PPFIA1: variants seen among roughly 807,000 people sequenced by gnomAD.
PPFIA1 encodes the protein PPFI scaffold protein A1.
A neutral mutation model predicts 149.9 loss-of-function variants in PPFIA1; 25 were observed. The ratio of observed to expected loss-of-function variants is 0.17; its 90% confidence interval spans 0.12 to 0.23. The LOEUF is 0.23. Among genes scored for constraint, PPFIA1 ranks in the 10% least tolerant of loss-of-function variants. The pLI is 1.00. For synonymous variants in PPFIA1, 549 were observed against 552.8 expected, an observed-to-expected ratio of 0.99 and a Z score of 0.10; for missense variants, 1,362 against 1,506.5, an observed-to-expected ratio of 0.90 and a Z score of 1.59.
At chr11:70,349,263 C>G (rs564321261) in intron 16 of PPFIA1, among the ~76,000 whole-genome samples, 1 of 152,230 alleles carries the variant, frequency 6.6e-6, no homozygotes, top group East Asian at 1.9e-4. Context: ...CTTAGGGTCA[C>G]CTCTCACCTG....
At chr11:70,300,895 A>G (rs1297112781) in intron 2 of PPFIA1, among the ~76,000 whole-genome samples, 1 of 152,178 alleles carries the variant, frequency 6.6e-6, no homozygotes, top group Non-Finnish European at 1.5e-5. Context: ...TAGGATCAAG[A>G]TAAGCCATGA....
At chr11:70,356,520 A>T (rs2056370908) in intron 19 of PPFIA1, among the ~76,000 whole-genome samples, 1 of 152,206 alleles carries the variant, frequency 6.6e-6, no homozygotes, top group African/African-American at 2.4e-5. Context: ...CTGCCTGAGC[A>T]CTGGAGTCGG....
intron 2 of PPFIA1, among the ~76,000 whole-genome samples, chr11:70,318,214 A>G (rs770000731): frequency 9.9e-5 from 15 of 152,142 alleles, no homozygotes; most frequent in Non-Finnish European, 1.5e-4. Flanking sequence ...TCTCTTCTAG[A>G]TGCCATTTCA....
rs71463672 is a variant in PPFIA1 at position 70,342,936 on chromosome 11, C to CTTTTTTTTTTTTTTTTTTTTTTTT, written c.1708-727_1708-704dup. Among the ~76,000 whole-genome samples, 3 of 78,176 alleles carry CTTTTTTTTTTTTTTTTTTTTTTTT rather than the reference C, an allele frequency of 3.8e-5. 1 individual carries two copies. Among genetic ancestry groups the CTTTTTTTTTTTTTTTTTTTTTTTT allele is most frequent in the African/African-American group, 1.9e-4 (3 of 16,212 alleles). The allele number at this position is 78,176 out of a possible 152,430, so 51.3% of individuals were successfully genotyped here. On this transcript the variant is annotated intron_variant, in intron 14 of 27. Coordinates refer to ENST00000253925, the MANE Select transcript of PPFIA1 (RefSeq NM_003626.5). ...TTGCAGCTATTTTGAAATGTACCAC[C>CTTTTTTTTTTTTTTTTTTTTTTTT]TTTTTTTTTTTTTTTTTTTTTTTTT...
chr11:70,280,565 G>A (rs1276426297), intron 2 of PPFIA1, among the ~76,000 whole-genome samples: 1 of 152,080 alleles, frequency 6.6e-6, no homozygotes, highest in East Asian at 1.9e-4. Context: ...GCGAAACTCC[G>A]TCTCGGGGAA....
In PPFIA1 at chr11:70,354,345, A is replaced by C; in HGVS notation, c.2208A>C (p.Ile736=). 1.2e-6 allele frequency: 2 copies of C among 1,614,052 alleles called. No individual in the cohort carries two copies. The highest frequency in any genetic ancestry group is 1.7e-6 in the Non-Finnish European group (2 of 1,180,004). Residue 736 remains isoleucine, a synonymous_variant, in exon 17 of 28, where the codon ATA becomes ATC. Transcript: ENST00000253925. ...REEVRDDKTT[I]KCETSPPSSP... is the part of the protein sequence containing the mutation. ...AGGTACGAGATGACAAGACAACCAT[A>C]AAGTGTGAAACCTCCCCGCCTTCCT...
chr11:70,301,342 C>T (rs919982911), intron 2 of PPFIA1, among the ~76,000 whole-genome samples: 7 of 152,152 alleles, frequency 4.6e-5, no homozygotes, highest in African/African-American at 1.7e-4. Flanking sequence ...AGCTTCCCTG[C>T]GCACTTGGTT....
rs12289655 is a variant in PPFIA1, at chr11:70,375,181, T to C, written c.3315+88T>C. 2.5e-3 allele frequency: 351 copies of C among 141,566 alleles called. 8 individuals carry two copies. The highest frequency in any genetic ancestry group is 0.014 in the African/African-American group (325 of 23,412). 8.8% of individuals were successfully genotyped at this position (141,566 alleles called of 1,614,324 possible). A position where few individuals can be genotyped will look rare whatever the true frequency, so the allele number is the denominator to read the frequency against. On this transcript the variant is annotated intron_variant, in intron 24 of 27. Transcript: ENST00000253925. ...TAGTTATTCGAATAGAAAGAAACTT[T>C]AAAAAAAAAAAAAAAAAAAAACTTC...
rs552084004 is a variant in PPFIA1, at chr11:70,307,042, A to G, written c.265-17360A>G. On this transcript the variant is annotated intron_variant, in intron 2 of 27. Coordinates refer to ENST00000253925, the MANE Select transcript of PPFIA1 (RefSeq NM_003626.5). ...TTTGGAGATTCCTGTATGATAGGCAATGGCGAATGGAGAATGGATCTGAAA... is the reference window on the plus strand; with the variant it reads ...TTTGGAGATTCCTGTATGATAGGCAGTGGCGAATGGAGAATGGATCTGAAA... Among the ~76,000 whole-genome samples, 8 of 152,354 alleles carry G rather than the reference A, an allele frequency of 5.3e-5. No individual in the cohort carries two copies. The South Asian group carries it at 1.7e-3, about 32-fold the overall frequency.
At chr11:70,300,535 A>AT (rs199605338) in intron 2 of PPFIA1, among the ~76,000 whole-genome samples, 24,508 of 131,262 alleles carry the variant, frequency 0.19, 2,445 homozygotes, top group South Asian at 0.26. Context: ...TGCCCACCTA[A>AT]TTTTTTTTTT....
At position 70,344,246 on chromosome 11, in the gene PPFIA1, G is replaced by A. The variant is rs568231443; in HGVS notation, c.1931+354G>A. On this transcript the variant is annotated intron_variant, in intron 15 of 27. Coordinates refer to ENST00000253925, the MANE Select transcript of PPFIA1 (RefSeq NM_003626.5). The stretch of plus-strand genomic sequence containing the variant: ...AAGCTGCACCTGGAAGGCCACATGA[G>A]CTGAGCACATCTGGAGGAGGCTGAT... 6.6e-5 allele frequency among the ~76,000 whole-genome samples: 10 copies of A among 152,354 alleles called. No homozygotes were observed. The South Asian group carries it at 2.1e-3, about 32-fold the overall frequency.
At chr11:70,331,501 C>T (rs1259137459) in intron 8 of PPFIA1, among the ~76,000 whole-genome samples, 1 of 152,120 alleles carries the variant, frequency 6.6e-6, no homozygotes, top group Non-Finnish European at 1.5e-5. Flanking sequence ...TTACCCAGGC[C>T]GGGCACAGTG....
rs1304030164 is a variant in PPFIA1 at position 70,372,234 on chromosome 11, T to C, written c.2885T>C (p.Met962Thr). The change falls in exon 22 of 28, where the codon ATG becomes ACG. Residue 962 changes from methionine (M) to threonine (T), a missense_variant. Met to Thr is a moderately conservative substitution (Grantham distance 81). This residue lies in a region of PPFIA1 where 349 missense variants were observed against 373.3 expected (regional missense o/e 0.93). Coordinates refer to ENST00000253925, the MANE Select transcript of PPFIA1 (RefSeq NM_003626.5). ...TSRTTLAYGD[M>T]NHEWIGNEWL... ...AAGCAGACACTCGCCTATGGGGACA[T>C]GAACCACGAGTGGATCGGCAACGAG... 1 of 1,613,818 alleles carries C rather than the reference T, an allele frequency of 6.2e-7. No individual in the cohort carries two copies. Among genetic ancestry groups the C allele is most frequent in the Non-Finnish European group, 8.5e-7 (1 of 1,179,978 alleles).
chr11:70,280,187 C>T (rs1051068437), intron 2 of PPFIA1, among the ~76,000 whole-genome samples: 4 of 151,150 alleles, frequency 2.6e-5, no homozygotes, highest in African/African-American at 9.8e-5. Context: ...GGATTACAGG[C>T]ATGAGCTAGC....
intron 2 of PPFIA1, among the ~76,000 whole-genome samples, chr11:70,292,570 C>T (rs1000061956): frequency 3.9e-5 from 6 of 152,150 alleles, no homozygotes; most frequent in Non-Finnish European, 7.3e-5. Context: ...GTATTGTCTA[C>T]TGTGTGTAAG....
At chr11:70,306,935 C>T (rs893006158) in intron 2 of PPFIA1, among the ~76,000 whole-genome samples, 5 of 152,132 alleles carry the variant, frequency 3.3e-5, no homozygotes, top group African/African-American at 1.2e-4. Context: ...AGAGGAGCAA[C>T]AGGGTATCAC....
In PPFIA1 at chr11:70,355,811, G is replaced by A; in HGVS notation, c.2488G>A (p.Ala830Thr). The A allele has an allele frequency of 6.2e-7, 1 of 1,606,760 alleles. No homozygotes were observed. Residue 830 changes from alanine (A) to threonine (T), a missense_variant and splice_region_variant, in exon 18 of 28, where the codon GCT becomes ACT. Transcript: ENST00000253925. ...GQTGKEALGQ[A>T]GVSETDNSSQ... is the part of the protein sequence containing the mutation. ...AACTGGCAAAGAAGCATTAGGACAAGGTTGGTTGGTTTTCCGCACCCTTCT... is the reference window on the plus strand; with the variant it reads ...AACTGGCAAAGAAGCATTAGGACAAAGTTGGTTGGTTTTCCGCACCCTTCT...
rs767091744 is a variant in PPFIA1, at chr11:70,272,317, C to T, written c.145C>T (p.Arg49Cys). ...GGTCTCCATGCTAGAAGAAAGGGAC[C>T]GCCTTCTTGATACACTGAGAGAGAC... The part of the protein sequence containing the change: ...LMVSMLEERD[R>C]LLDTLRETQE... Residue 49 changes from arginine (R) to cysteine (C), a missense_variant, in exon 2 of 28, where the codon CGC becomes TGC. Arg to Cys is a radical substitution (Grantham distance 180). This residue lies in a region of PPFIA1 where 100 missense variants were observed against 106.2 expected (regional missense o/e 0.94). Transcript: ENST00000253925. 3.7e-6 allele frequency: 6 copies of T among 1,614,166 alleles called. No homozygotes were observed. The highest frequency in any genetic ancestry group is 1.7e-5 in the Admixed American group (1 of 60,016).
intron 3 of PPFIA1, 65 bp downstream of exon 3, chr11:70,324,568 T>C: frequency 7.3e-7 from 1 of 1,373,570 alleles, no homozygotes; most frequent in Non-Finnish European, 1.0e-6. Context: ...GGGCGGTGTG[T>C]CAAAACGAAA....
Sources: allele counts gnomAD v4.1 joint callset (sites outside exome capture counted in the v4.1 genomes callset), GRCh38; gene constraint gnomAD v4.1.1; regional missense constraint gnomAD v4.1.1; transcripts MANE v1.5; gene names NCBI Gene and HGNC (gene_info 2026-07-23, HGNC 2026-07-21).